The following ZNF324B variants were observed in gnomAD, a reference collection of about 807,000 sequenced individuals.
ZNF324B encodes zinc finger protein 324B.
Under a neutral mutation model 10.6 loss-of-function variants are expected in ZNF324B, and 7 were observed. The observed-to-expected ratio is 0.66, with a 90% CI of 0.38 to 1.24. The LOEUF (loss-of-function observed/expected upper bound fraction) is 1.24, where lower values mean the gene tolerates loss of function less well. Ranked by LOEUF, ZNF324B falls within the 50% of genes most tolerant of loss-of-function variation. The probability of loss-of-function intolerance (pLI) is 0.02; values close to 1 mark genes in which losing one functional copy is unlikely to be tolerated. For missense variants in ZNF324B, 640 were observed against 764.7 expected, an observed-to-expected ratio of 0.84 and a Z score of 1.92; for synonymous variants, 316 against 321.0, an observed-to-expected ratio of 0.98 and a Z score of 0.17.
At position 58,453,802 on chromosome 19, in the gene ZNF324B, TCA is replaced by T; in HGVS notation, c.105_106del (p.Leu36CysfsTer18). 1 of 1,614,126 alleles carries T rather than the reference TCA, an allele frequency of 6.2e-7. No individual in the cohort carries two copies. The highest frequency in any genetic ancestry group is 2.2e-5 in the East Asian group (1 of 44,886). ...TACCGCCACGTGATGCTGGAAAACT[TCA>T]CACTTGTGACCTCACTTGGTAAGGC... On this transcript the variant is annotated frameshift_variant, in exon 2 of 4. Coordinates refer to ENST00000336614, the MANE Select transcript of ZNF324B (RefSeq NM_207395.3). LOFTEE classifies it high-confidence loss of function.
At chr19:58,450,998 A>G (rs563942658), upstream of ZNF324B, among the ~76,000 whole-genome samples, 12 of 152,334 alleles carry the variant, frequency 7.9e-5, no homozygotes, top group South Asian at 2.5e-3. Flanking sequence ...CCAAGTTACA[A>G]GGAAAACAAG....
At chr19:58,439,888 C>T in the ZNF324B span, 2 of 1,486,978 alleles carry the variant, frequency 1.3e-6, no homozygotes, top group African/African-American at 2.8e-5. Flanking sequence ...GTGACGGTCG[C>T]ACTCAGGACC....
chr19:58,432,281 A>C, the ZNF324B span: 2 of 517,694 alleles, frequency 3.9e-6, no homozygotes, highest in Non-Finnish European at 7.7e-6. Context: ...GTGAATGTAC[A>C]TGACATTGCA....
chr19:58,438,671 C>T, the ZNF324B span, among the ~76,000 whole-genome samples: 3 of 152,010 alleles, frequency 2.0e-5, no homozygotes, highest in Non-Finnish European at 4.4e-5. Flanking sequence ...GATGGGGTTT[C>T]ACCGTGTTAG....
chr19:58,444,601 A>G, the ZNF324B span: 2 of 152,278 alleles, frequency 1.3e-5, no homozygotes, highest in East Asian at 1.9e-4. Context: ...CGCTCACTGC[A>G]TGGTACTGAC....
At chr19:58,434,399 A>G in the ZNF324B span, 6 of 1,614,238 alleles carry the variant, frequency 3.7e-6, no homozygotes, top group East Asian at 1.3e-4. Flanking sequence ...CATTCATCAC[A>G]CTCATAAGGT....
chr19:58,452,816 CAG>C (rs1599979164), intron 1 of ZNF324B: 1 of 189,960 alleles, frequency 5.3e-6, no homozygotes, highest in Non-Finnish European at 9.7e-6. Flanking sequence ...CTGAGGCTAT[CAG>C]GGGAGGAGTT....
chr19:58,456,321 C>T lies in ZNF324B; in HGVS notation c.1377C>T (p.Gly459=), dbSNP rs147929289. The T allele has an allele frequency of 3.7e-6, 6 of 1,612,848 alleles. No homozygotes were observed. Among genetic ancestry groups the T allele is most frequent in the Non-Finnish European group, 5.1e-6 (6 of 1,179,864 alleles). ...GERPFRCVDC[G]KGFAKGAVLL... ...GGCCCTTCCGCTGCGTGGACTGTGG[C>T]AAGGGTTTCGCCAAGGGCGCCGTGC... The change falls in exon 4 of 4, where the codon GGC becomes GGT. Residue 459 remains glycine, a synonymous_variant. Transcript: ENST00000336614. This position sits in a 1 kb window ranked among gnomAD's most constrained non-coding sequence, Gnocchi z 4.7.
the ZNF324B span, among the ~76,000 whole-genome samples, chr19:58,428,126 T>C: frequency 6.6e-6 from 1 of 152,176 alleles, no homozygotes; most frequent in African/African-American, 2.4e-5. Flanking sequence ...GTGGTTATCA[T>C]TGTCCATCCC....
the ZNF324B span, chr19:58,439,623 G>C: frequency 1.1e-6 from 1 of 893,984 alleles, no homozygotes; most frequent in Non-Finnish European, 1.6e-6. Context: ...TGACTCCCAG[G>C]GCAGGGCCCA....
Position 58,456,276 on chromosome 19 carries a change from G to T in ZNF324B, c.1332G>T (p.Gln444His), listed in dbSNP as rs1379325381. ...GCAGCTCCAACCTCACCCAGCACCAGCTCCTGCACACGGGCGAGCGGCCCT... is the reference window on the plus strand; with the variant it reads ...GCAGCTCCAACCTCACCCAGCACCATCTCCTGCACACGGGCGAGCGGCCCT... ...FSRSSNLTQH[Q>H]LLHTGERPFR... The change falls in exon 4 of 4, where the codon CAG becomes CAT. Residue 444 changes from glutamine to histidine, a missense_variant. Physicochemically the swap from Gln to His is conservative, Grantham distance 24. Coordinates refer to ENST00000336614, the MANE Select transcript of ZNF324B (RefSeq NM_207395.3). The surrounding 1 kb of genome is among the most constrained non-coding windows in gnomAD (Gnocchi z 4.7). The T allele has an allele frequency of 6.2e-7, 1 of 1,612,968 alleles. No individual in the cohort carries two copies. The highest frequency in any genetic ancestry group is 8.5e-7 in the Non-Finnish European group (1 of 1,179,858).
chr19:58,445,295 A>T, the ZNF324B span: 1 of 440,462 alleles, frequency 2.3e-6, no homozygotes, highest in South Asian at 1.7e-5. Flanking sequence ...AGCACCAGCA[A>T]TTTACAGCAT....
the ZNF324B span, chr19:58,443,150 A>G: frequency 6.6e-6 from 1 of 152,264 alleles, no homozygotes; most frequent in African/African-American, 2.4e-5. Context: ...TTAGCTAGAC[A>G]GAAAAGTTTT....
intron 2 of ZNF324B, 104 bp downstream of exon 2, chr19:58,453,926 C>T (rs573096945): frequency 9.4e-6 from 14 of 1,495,240 alleles, no homozygotes; most frequent in African/African-American, 8.3e-5. Flanking sequence ...GCCAGGGCCA[C>T]GTGGAACAAG....
chr19:58,437,887 C>G, the ZNF324B span: 1 of 710,884 alleles, frequency 1.4e-6, no homozygotes, highest in Admixed American at 6.3e-5. Context: ...TCTCAAATAT[C>G]TCTTCCCTCT....
At chr19:58,440,773 TC>T in the ZNF324B span, 1 of 151,528 alleles carries the variant, frequency 6.6e-6, no homozygotes, top group East Asian at 2.0e-4. Context: ...TCGGGAGTCG[TC>T]GCCCTTGGCG....
chr19:58,435,057 C>T, the ZNF324B span: 1 of 1,614,120 alleles, frequency 6.2e-7, no homozygotes, highest in East Asian at 2.2e-5. Flanking sequence ...GATGCTCAGC[C>T]AGGTGCAAAA....
the ZNF324B span, chr19:58,444,402 AGGC>A: frequency 6.6e-6 from 1 of 152,254 alleles, no homozygotes; most frequent in Non-Finnish European, 1.5e-5. Context: ...TGGGATGCTG[AGGC>A]AGGAGGAGCG....
At chr19:58,436,660 T>C in the ZNF324B span, among the ~76,000 whole-genome samples, 1 of 97,642 alleles carries the variant, frequency 1.0e-5, no homozygotes, top group Non-Finnish European at 1.8e-5. Flanking sequence ...AGAGCAAGAC[T>C]CCATCTCAAA....
Sources: gnomAD v4.1 joint callset for allele counts (sites outside exome capture counted in the v4.1 genomes callset) on GRCh38, gnomAD v4.1.1 for gene constraint, Gnocchi (gnomAD v3.1) non-coding constraint, MANE v1.5 for transcripts, NCBI Gene and HGNC (gene_info 2026-07-23, HGNC 2026-07-21) for gene names.